Variants in MBOAT2 observed in about 807,000 individuals in gnomAD.
MBOAT2 encodes membrane-bound glycerophospholipid O-acyltransferase 2.
Under a neutral mutation model 63.4 loss-of-function variants are expected in MBOAT2, and 28 were observed. The ratio of observed to expected loss-of-function variants is 0.44; its 90% CI spans 0.33 to 0.61. The LOEUF (loss-of-function observed/expected upper bound fraction) is 0.61, where lower values mean the gene tolerates loss of function less well. Ranked by LOEUF, MBOAT2 falls within the 20% of genes least tolerant of loss-of-function variation. The pLI, the probability that MBOAT2 is intolerant of heterozygous loss-of-function variation, is 0.03. For missense variants in MBOAT2, 470 were observed against 605.8 expected, an observed-to-expected ratio of 0.78 and a Z score of 2.35; for synonymous variants, 211 against 215.6, an observed-to-expected ratio of 0.98 and a Z score of 0.19.
chr2:8,919,010 T>C (rs1356374261), intron 3 of MBOAT2, among the ~76,000 whole-genome samples: 1 of 152,174 alleles, frequency 6.6e-6, no homozygotes, highest in Non-Finnish European at 1.5e-5. Context: ...AAACAATATG[T>C]AGTCTTTTGT....
intron 1 of MBOAT2, among the ~76,000 whole-genome samples, chr2:8,960,268 C>G (rs939824120): frequency 1.3e-5 from 2 of 152,130 alleles, no homozygotes; most frequent in African/African-American, 4.8e-5. Context: ...TTATTTCTTT[C>G]TTTTTCAGAT....
At chr2:8,938,257 A>G (rs1667801350) in intron 3 of MBOAT2, among the ~76,000 whole-genome samples, 1 of 152,216 alleles carries the variant, frequency 6.6e-6, no homozygotes. Context: ...AGAGGACAAG[A>G]GGATTGTTAC....
rs1453086521 is a variant in MBOAT2 at position 8,954,984 on chromosome 2, T to C, written c.221+3513A>G. Among the ~76,000 whole-genome samples the C allele has an allele frequency of 3.9e-5, 6 of 152,222 alleles. No individual in the cohort carries two copies. In the East Asian group the frequency reaches 1.2e-3, roughly 29 times the overall value. The stretch of plus-strand genomic sequence containing the variant: ...AGCTGGCCTTGGCTGCAAGTGTTGC[T>C]GCCCAGGAGAAAGTGCAACTTAGCA... On this transcript the variant is annotated intron_variant, in intron 2 of 12. Coordinates refer to ENST00000305997, the MANE Select transcript of MBOAT2 (RefSeq NM_138799.4).
At chr2:8,943,135 A>C in intron 3 of MBOAT2, 52 bp downstream of exon 3, 1 of 986,344 alleles carries the variant, frequency 1.0e-6, no homozygotes, top group East Asian at 2.7e-5. Context: ...ATTTTGATGC[A>C]GTTCTATTCA....
intron 5 of MBOAT2, among the ~76,000 whole-genome samples, chr2:8,885,665 C>T (rs1301427646): frequency 6.6e-6 from 1 of 152,162 alleles, no homozygotes; most frequent in East Asian, 1.9e-4. Context: ...ATCCTAAGCC[C>T]TCAGCAATCT....
chr2:8,985,991 A>G lies in MBOAT2; in HGVS notation c.75+17549T>C, dbSNP rs113539150. ...TTTACAGTGGAGAAATCTGACAGACACTGCCTCAGCCAGGTGATCAAATTA... is the reference window on the plus strand; with the variant it reads ...TTTACAGTGGAGAAATCTGACAGACGCTGCCTCAGCCAGGTGATCAAATTA... On this transcript the variant is annotated intron_variant, in intron 1 of 12. Transcript: ENST00000305997. 5.0e-3 allele frequency among the ~76,000 whole-genome samples: 761 copies of G among 152,290 alleles called. 9 individuals carry two copies. The highest frequency in any genetic ancestry group is 0.02 in the South Asian group (95 of 4,820).
At chr2:8,859,626 A>C (rs973608628) in intron 12 of MBOAT2, among the ~76,000 whole-genome samples, 1 of 152,200 alleles carries the variant, frequency 6.6e-6, no homozygotes, top group African/African-American at 2.4e-5. Flanking sequence ...AATTATTGTC[A>C]TATTTGATTC....
intron 1 of MBOAT2, among the ~76,000 whole-genome samples, chr2:8,992,519 A>G (rs970930416): frequency 2.0e-5 from 3 of 152,248 alleles, no homozygotes; most frequent in Non-Finnish European, 4.4e-5. Context: ...TCTAGTTTCA[A>G]AAAGAAAATT....
chr2:8,921,759 TC>T (rs1165711507), intron 3 of MBOAT2, among the ~76,000 whole-genome samples: 2 of 152,218 alleles, frequency 1.3e-5, no homozygotes, highest in East Asian at 1.9e-4. Flanking sequence ...AAGAATTTTA[TC>T]ATTGCTCTCT....
chr2:8,919,832 T>C (rs954056833), intron 3 of MBOAT2, among the ~76,000 whole-genome samples: 6 of 152,264 alleles, frequency 3.9e-5, no homozygotes, highest in African/African-American at 1.2e-4. Context: ...CATAACTCAA[T>C]GTACCTTGGA....
intron 4 of MBOAT2, among the ~76,000 whole-genome samples, chr2:8,905,486 G>A (rs1665261565): frequency 6.6e-6 from 1 of 152,200 alleles, no homozygotes. Context: ...AAAAAAGGAT[G>A]AGATGCATGT....
chr2:8,993,452 G>A (rs1672052645), intron 1 of MBOAT2, among the ~76,000 whole-genome samples: 1 of 152,172 alleles, frequency 6.6e-6, no homozygotes, highest in Non-Finnish European at 1.5e-5. Context: ...AGCTGATTAG[G>A]GGAGCTCAGT....
chr2:8,905,475 T>C (rs572805312), intron 4 of MBOAT2, among the ~76,000 whole-genome samples: 5 of 152,142 alleles, frequency 3.3e-5, no homozygotes, highest in Non-Finnish European at 7.3e-5. Flanking sequence ...TATGCAGCCA[T>C]AAAAAAGGAT....
intron 3 of MBOAT2, among the ~76,000 whole-genome samples, chr2:8,913,623 A>G (rs536030838): frequency 5.3e-5 from 8 of 152,324 alleles, no homozygotes; most frequent in African/African-American, 1.9e-4. Flanking sequence ...CAAAACCACA[A>G]TGTGATACCA....
At chr2:8,895,832 T>G (rs897687841) in intron 4 of MBOAT2, among the ~76,000 whole-genome samples, 6 of 152,152 alleles carry the variant, frequency 3.9e-5, no homozygotes, top group African/African-American at 1.2e-4. Context: ...GAAACAAATT[T>G]GACAAAGAGG....
At chr2:8,900,902 C>T (rs887602650) in intron 4 of MBOAT2, among the ~76,000 whole-genome samples, 1 of 152,086 alleles carries the variant, frequency 6.6e-6, no homozygotes, top group Admixed American at 6.5e-5. Flanking sequence ...GGCTGTAGTG[C>T]AGAAAAAAAT....
At chr2:8,927,874 T>G (rs1667043691) in intron 3 of MBOAT2, among the ~76,000 whole-genome samples, 1 of 152,096 alleles carries the variant, frequency 6.6e-6, no homozygotes, top group Admixed American at 6.6e-5. Context: ...TATCTCTGAG[T>G]AATTTACAAA....
chr2:8,926,865 T>TG (rs1666969753), intron 3 of MBOAT2, among the ~76,000 whole-genome samples: 1 of 152,074 alleles, frequency 6.6e-6, no homozygotes, highest in Non-Finnish European at 1.5e-5. Context: ...TGACATGGGT[T>TG]GGGGGGTAAC....
intron 3 of MBOAT2, among the ~76,000 whole-genome samples, chr2:8,909,738 T>C (rs1198634578): frequency 6.6e-6 from 1 of 152,240 alleles, no homozygotes. Flanking sequence ...TTCAAATGTT[T>C]AACAAAGTTA....
Sources: gnomAD v4.1 joint callset for allele counts (sites outside exome capture counted in the v4.1 genomes callset) on GRCh38, gnomAD v4.1.1 for gene constraint, MANE v1.5 for transcripts, NCBI Gene and HGNC (gene_info 2026-07-23, HGNC 2026-07-21) for gene names.